The following CUX2 variants were observed in gnomAD, a reference collection of about 807,000 sequenced individuals.
CUX2 encodes the protein homeobox protein cut-like 2.
CUX2 carries 40 observed loss-of-function variants against 144.8 expected under a neutral mutation model. That is an observed-to-expected ratio of 0.28 (90% confidence interval 0.21 to 0.36). The LOEUF is 0.36. Among genes scored for constraint, CUX2 ranks in the 10% least tolerant of loss-of-function variants. The pLI is 1.00. For synonymous variants in CUX2, 827 were observed against 875.6 expected, an observed-to-expected ratio of 0.94 and a Z score of 0.98; for missense variants, 1,615 against 1,994.0, an observed-to-expected ratio of 0.81 and a Z score of 3.62.
chr12:111,253,051 G>T (rs1473104959), intron 3 of CUX2, among the ~76,000 whole-genome samples: 1 of 151,870 alleles, frequency 6.6e-6, no homozygotes, highest in Non-Finnish European at 1.5e-5. Context: ...CAGAATCCTA[G>T]CACCACTGCC....
intron 3 of CUX2, among the ~76,000 whole-genome samples, chr12:111,249,445 G>GTTT (rs58383341): frequency 2.1e-4 from 13 of 63,360 alleles, no homozygotes; most frequent in South Asian, 4.2e-4. Context: ...CCCTTTTTTT[G>GTTT]TTTTTTTTTT....
chr12:111,118,987 A>T (rs1052830719), intron 1 of CUX2, among the ~76,000 whole-genome samples: 7 of 152,234 alleles, frequency 4.6e-5, no homozygotes, highest in African/African-American at 1.7e-4. Flanking sequence ...GTTTGCCATG[A>T]GTTAAATCAC....
At chr12:111,134,608 C>CTGTGTGTGTGTGTGTGTG (rs1385633104) in intron 1 of CUX2, among the ~76,000 whole-genome samples, 1 of 137,932 alleles carries the variant, frequency 7.2e-6, no homozygotes, top group African/African-American at 3.5e-5. Flanking sequence ...CTCTCTCTCT[C>CTGTGTGTGTGTGTGTGTG]TCTCTCTCTC....
intron 1 of CUX2, among the ~76,000 whole-genome samples, chr12:111,202,832 A>G (rs1880677264): frequency 6.6e-6 from 1 of 152,174 alleles, no homozygotes; most frequent in Non-Finnish European, 1.5e-5. Flanking sequence ...ACGGCAGGAC[A>G]GGCTTCTGGG....
At chr12:111,267,965 A>T (rs1423268755) in intron 4 of CUX2, among the ~76,000 whole-genome samples, 1 of 151,990 alleles carries the variant, frequency 6.6e-6, no homozygotes. Context: ...CTAATTTTTT[A>T]AATTTATTTT....
At chr12:111,257,119 T>C (rs1289647739) in intron 3 of CUX2, among the ~76,000 whole-genome samples, 1 of 152,082 alleles carries the variant, frequency 6.6e-6, no homozygotes, top group Non-Finnish European at 1.5e-5. Context: ...GTAAATGCCA[T>C]GTGCTTCCAC....
chr12:111,303,344 A>T (rs1261796690), intron 9 of CUX2, among the ~76,000 whole-genome samples: 1 of 151,366 alleles, frequency 6.6e-6, no homozygotes, highest in Non-Finnish European at 1.5e-5. Context: ...CATTTCAAAA[A>T]GAGAAACTGA....
chr12:111,202,546 A>G (rs1334860659), intron 1 of CUX2, among the ~76,000 whole-genome samples: 1 of 152,164 alleles, frequency 6.6e-6, no homozygotes, highest in Non-Finnish European at 1.5e-5. Context: ...GGGGACCCAG[A>G]GTTAGCCAGT....
chr12:111,162,273 G>T (rs777841768), intron 1 of CUX2, among the ~76,000 whole-genome samples: 5 of 152,298 alleles, frequency 3.3e-5, no homozygotes, highest in African/African-American at 4.8e-5. Flanking sequence ...CCCTACCCCA[G>T]CCCAAAGTAT....
Position 111,338,457 on chromosome 12 carries a change from A to G in CUX2, c.3368A>G (p.Lys1123Arg). ...AACGTGGAGAAGCTGAGGGATATGA[A>G]GAAGCTGGAGAAGAAAGGTAAGACT... ...PHNVEKLRDM[K>R]KLEKKAYLKR... The change falls in exon 20 of 22, where the codon AAG (lysine) becomes AGG (arginine). Residue 1123 changes from lysine to arginine, a missense_variant. Lys to Arg is a conservative substitution (Grantham distance 26). Coordinates refer to ENST00000261726, the MANE Select transcript of CUX2 (RefSeq NM_015267.4). 6.2e-7 allele frequency: 1 copy of G among 1,612,810 alleles called. No individual in the cohort carries two copies. The highest frequency in any genetic ancestry group is 8.5e-7 in the Non-Finnish European group (1 of 1,179,138).
chr12:111,304,071 G>A lies in CUX2; in HGVS notation c.754-139G>A. ...CTGTGACTGGTCTTCATAGCTCCAG[G>A]ACAGGGTCCGGGACTAGGAAGGCAG... On this transcript the variant is annotated intron_variant, in intron 9 of 21. Coordinates refer to ENST00000261726, the MANE Select transcript of CUX2 (RefSeq NM_015267.4). The surrounding 1 kb of genome is among the most constrained non-coding windows in gnomAD (Gnocchi z 4.7). 1.6e-6 allele frequency: 1 copy of A among 639,726 alleles called. No individual in the cohort carries two copies. Among genetic ancestry groups the A allele is most frequent in the South Asian group, 1.9e-5 (1 of 53,342 alleles). 39.6% of individuals were successfully genotyped at this position (639,726 alleles called of 1,614,324 possible). A position where few individuals can be genotyped will look rare whatever the true frequency, so the allele number is the denominator to read the frequency against.
chr12:111,045,297 C>G (rs931705081), intron 1 of CUX2, among the ~76,000 whole-genome samples: 1 of 152,136 alleles, frequency 6.6e-6, no homozygotes, highest in East Asian at 1.9e-4. Flanking sequence ...GTTTTTCTAT[C>G]TAGAATGGAG....
chr12:111,191,258 AG>A (rs1266552776), intron 1 of CUX2, among the ~76,000 whole-genome samples: 1 of 152,122 alleles, frequency 6.6e-6, no homozygotes, highest in Non-Finnish European at 1.5e-5. Flanking sequence ...CCTGGCCCAC[AG>A]GGGTCATTGT....
chr12:111,323,634 A>G (rs142894601), intron 18 of CUX2, among the ~76,000 whole-genome samples: 1 of 152,088 alleles, frequency 6.6e-6, no homozygotes, highest in African/African-American at 2.4e-5. Flanking sequence ...TCTACAAAAT[A>G]TAAAAATAAT....
At chr12:111,156,487 G>A (rs564933237) in intron 1 of CUX2, among the ~76,000 whole-genome samples, 7 of 152,248 alleles carry the variant, frequency 4.6e-5, no homozygotes, top group African/African-American at 1.4e-4. Flanking sequence ...AGTCATGAAG[G>A]TGATGCTCTA....
chr12:111,103,950 G>C (rs902889109), intron 1 of CUX2, among the ~76,000 whole-genome samples: 2 of 152,198 alleles, frequency 1.3e-5, no homozygotes, highest in African/African-American at 2.4e-5. Context: ...CTAGGCTTTA[G>C]CAAATGTCCT....
At chr12:111,332,796 C>T (rs1888179898) in intron 18 of CUX2, among the ~76,000 whole-genome samples, 2 of 152,158 alleles carry the variant, frequency 1.3e-5, no homozygotes, top group African/African-American at 4.8e-5. Flanking sequence ...CAAGTGCTTT[C>T]CAAAAACAAG....
At chr12:111,347,430 C>T in intron 21 of CUX2, 94 bp from the exon 22 acceptor site, 1 of 1,180,098 alleles carries the variant, frequency 8.5e-7, no homozygotes, top group Non-Finnish European at 1.2e-6. Flanking sequence ...AGCCCCAGGG[C>T]AGTGGGTGGG....
chr12:111,155,930 A>G (rs4766544), intron 1 of CUX2, among the ~76,000 whole-genome samples: 1 of 151,882 alleles, frequency 6.6e-6, no homozygotes, highest in Non-Finnish European at 1.5e-5. Flanking sequence ...AAATAAAAAA[A>G]AAAAATAAAA....
Sources: allele counts gnomAD v4.1 joint callset (sites outside exome capture counted in the v4.1 genomes callset), GRCh38; gene constraint gnomAD v4.1.1; non-coding constraint Gnocchi (gnomAD v3.1); transcripts MANE v1.5; gene names NCBI Gene and HGNC (gene_info 2026-07-23, HGNC 2026-07-21).